The following TENM2 variants were observed in gnomAD, a reference collection of about 807,000 sequenced individuals.
TENM2 encodes the protein teneurin transmembrane protein 2.
In TENM2, 52 loss-of-function variants were observed where a neutral mutation model predicts 245.2. The observed-to-expected ratio is 0.21, with a 90% confidence interval of 0.17 to 0.27. The LOEUF is 0.27. Ranked by LOEUF, TENM2 falls within the 10% of genes least tolerant of loss-of-function variation. The pLI is 1.00. For synonymous variants in TENM2, 1,363 were observed against 1,438.9 expected, an observed-to-expected ratio of 0.95 and a Z score of 1.19; for missense variants, 3,046 against 3,666.8, an observed-to-expected ratio of 0.83 and a Z score of 4.37.
chr5:167,526,861 T>C (rs142247692), intron 2 of TENM2, among the ~76,000 whole-genome samples: 114 of 152,264 alleles, frequency 7.5e-4, no homozygotes, highest in Non-Finnish European at 1.4e-3. Context: ...TTCACAGATC[T>C]TTTAAGTAGA....
chr5:167,991,338 T>A (rs1475928143), intron 4 of TENM2, among the ~76,000 whole-genome samples: 1 of 152,226 alleles, frequency 6.6e-6, no homozygotes, highest in African/African-American at 2.4e-5. Context: ...CATGTTGGGC[T>A]TGATGTGGGT....
At chr5:168,058,569 G>A (rs1197926104) in intron 6 of TENM2, among the ~76,000 whole-genome samples, 5 of 152,196 alleles carry the variant, frequency 3.3e-5, no homozygotes, top group African/African-American at 1.2e-4. Flanking sequence ...GTGTGAAGGT[G>A]CACTTGACCT....
At chr5:167,722,322 C>T (rs755794727) in intron 2 of TENM2, among the ~76,000 whole-genome samples, 1 of 151,994 alleles carries the variant, frequency 6.6e-6, no homozygotes, top group Non-Finnish European at 1.5e-5. Context: ...CAATCTAATG[C>T]AAAGGATGCT....
chr5:167,930,771 T>TAAAA (rs397737158), intron 3 of TENM2, among the ~76,000 whole-genome samples: 22 of 151,774 alleles, frequency 1.4e-4, no homozygotes, highest in South Asian at 1.0e-3. Flanking sequence ...TTTTTTTTTT[T>TAAAA]AAAAAAGCAT....
At chr5:167,646,715 T>C (rs1779990881) in intron 2 of TENM2, among the ~76,000 whole-genome samples, 2 of 151,996 alleles carry the variant, frequency 1.3e-5, no homozygotes, top group Non-Finnish European at 2.9e-5. Context: ...CCCCCCATCT[T>C]ATCAAATGAA....
At chr5:168,227,795 C>T in intron 24 of TENM2, 100 bp from the exon 27 acceptor site, 1 of 743,424 alleles carries the variant, frequency 1.3e-6, no homozygotes, top group South Asian at 2.1e-5. Flanking sequence ...TGCAAAGTAC[C>T]ATGGAAACCT....
At chr5:167,232,035 A>C in the TENM2 span, among the ~76,000 whole-genome samples, 2 of 151,842 alleles carry the variant, frequency 1.3e-5, no homozygotes, top group African/African-American at 4.8e-5. Flanking sequence ...CTGTGGTTGC[A>C]CAGAAGTCAG....
At chr5:168,161,844 A>ACACACACACACAC (rs56983935) in intron 12 of TENM2, among the ~76,000 whole-genome samples, 1 of 151,100 alleles carries the variant, frequency 6.6e-6, no homozygotes, top group African/African-American at 2.4e-5. Flanking sequence ...ACACACACAC[A>ACACACACACACAC]TCAATAAAGG....
chr5:167,834,640 CTTTT>C (rs555150513), intron 2 of TENM2, among the ~76,000 whole-genome samples: 55 of 129,512 alleles, frequency 4.2e-4, no homozygotes, highest in East Asian at 2.4e-3. Context: ...TGTACAATTT[CTTTT>C]TTTTTTTTTT....
At chr5:167,643,233 A>G (rs1779725197) in intron 2 of TENM2, among the ~76,000 whole-genome samples, 1 of 152,194 alleles carries the variant, frequency 6.6e-6, no homozygotes, top group Non-Finnish European at 1.5e-5. Context: ...CCCCCCAGTA[A>G]GATCCTTCAT....
chr5:167,123,698 A>G, the TENM2 span, among the ~76,000 whole-genome samples: 2 of 152,208 alleles, frequency 1.3e-5, no homozygotes. Context: ...ATTGCATTTC[A>G]TAATCTCCCA....
the TENM2 span, among the ~76,000 whole-genome samples, chr5:167,026,186 G>A: frequency 5.9e-5 from 9 of 152,308 alleles, no homozygotes; most frequent in South Asian, 6.2e-4. Flanking sequence ...CAAATCTGGC[G>A]CATAATCCTG....
rs143181396 is a variant in TENM2 at position 167,437,822 on chromosome 5, A to G, written c.502+62349A>G. 1.8e-4 allele frequency among the ~76,000 whole-genome samples: 28 copies of G among 152,304 alleles called. No individual in the cohort carries two copies. The South Asian group carries it at 5.0e-3, about 27-fold the overall frequency. ...TCTCTTGCCTGCTGTGATGTAAGAC[A>G]TGCCTTTCACCTTCAGCCATGATTG... On this transcript the variant is annotated intron_variant, in intron 2 of 28. Transcript: ENST00000518659.
the TENM2 span, among the ~76,000 whole-genome samples, chr5:167,012,123 C>T: frequency 6.6e-6 from 1 of 152,106 alleles, no homozygotes; most frequent in Non-Finnish European, 1.5e-5. Context: ...TTTTTCCATT[C>T]CTTACTCTAT....
chr5:167,374,111 C>T (rs1760601450), intron 1 of TENM2, among the ~76,000 whole-genome samples: 1 of 152,186 alleles, frequency 6.6e-6, no homozygotes, highest in Non-Finnish European at 1.5e-5. Context: ...ATTTCAGTGA[C>T]ACATTACATA....
the TENM2 span, among the ~76,000 whole-genome samples, chr5:167,276,858 G>A: frequency 5.3e-5 from 8 of 152,112 alleles, no homozygotes; most frequent in South Asian, 4.2e-4. Context: ...ACAGTTGGTG[G>A]AATATGAGGC....
chr5:167,622,316 A>G (rs1294694616), intron 2 of TENM2, among the ~76,000 whole-genome samples: 2 of 152,178 alleles, frequency 1.3e-5, no homozygotes, highest in Non-Finnish European at 2.9e-5. Flanking sequence ...TTTGCATAAA[A>G]GCGTAGCAAT....
chr5:168,179,189 C>T (rs1417157185), intron 13 of TENM2, among the ~76,000 whole-genome samples: 1 of 146,768 alleles, frequency 6.8e-6, no homozygotes, highest in Non-Finnish European at 1.5e-5. Flanking sequence ...ACATGTGAAT[C>T]ATGAATCACT....
intron 2 of TENM2, among the ~76,000 whole-genome samples, chr5:167,696,602 C>T (rs1334376177): frequency 6.6e-6 from 1 of 152,146 alleles, no homozygotes; most frequent in East Asian, 1.9e-4. Flanking sequence ...AACAAATCAA[C>T]AGAAATAGGA....
Sources: allele counts gnomAD v4.1 joint callset (sites outside exome capture counted in the v4.1 genomes callset), GRCh38; gene constraint gnomAD v4.1.1; transcripts MANE v1.5; gene names NCBI Gene and HGNC (gene_info 2026-07-23, HGNC 2026-07-21).